Variants in SYNRG observed in about 807,000 individuals in gnomAD.
SYNRG encodes AP1 gamma subunit binding protein 1.
Under a neutral mutation model 130.9 loss-of-function variants are expected in SYNRG, and 37 were observed. The observed-to-expected ratio is 0.28, with a 90% CI of 0.22 to 0.37. The LOEUF (loss-of-function observed/expected upper bound fraction) is 0.37. Among genes scored for constraint, SYNRG ranks in the 10% least tolerant of loss-of-function variants. The pLI is 1.00. For synonymous variants in SYNRG, 539 were observed against 568.1 expected (o/e 0.95, Z 0.73); for missense variants, 1,338 against 1,588.9 (o/e 0.84, Z 2.68).
intron 8 of SYNRG, among the ~76,000 whole-genome samples, chr17:37,573,916 C>T (rs1430753869): frequency 6.6e-6 from 1 of 151,996 alleles, no homozygotes; most frequent in Non-Finnish European, 1.5e-5. Flanking sequence ...TATATGGTAC[C>T]ACAAAGGACC....
intron 5 of SYNRG, 95 bp downstream of exon 5, chr17:37,585,230 G>A: frequency 2.1e-6 from 2 of 943,874 alleles, no homozygotes; most frequent in South Asian, 3.2e-5. Context: ...CCTCAGCTTG[G>A]GCTGGTGCCC....
At chr17:37,520,786 C>G in intron 19 of SYNRG, 138 bp from the exon 20 acceptor site, 1 of 691,900 alleles carries the variant, frequency 1.4e-6, no homozygotes, top group Non-Finnish European at 2.6e-6. Flanking sequence ...ATTAACCTCC[C>G]ACACATCCAC....
chr17:37,531,898 T>C (rs1244535083), intron 19 of SYNRG, among the ~76,000 whole-genome samples: 2 of 152,198 alleles, frequency 1.3e-5, no homozygotes, highest in Non-Finnish European at 2.9e-5. Context: ...TCGTGCTCCT[T>C]TACAAAATGG....
intron 1 of SYNRG, among the ~76,000 whole-genome samples, chr17:37,608,307 AC>A (rs1321398890): frequency 3.9e-5 from 6 of 152,196 alleles, no homozygotes; most frequent in Non-Finnish European, 8.8e-5. Context: ...TAAAAAAAAA[AC>A]CTAACACTTC....
intron 6 of SYNRG, among the ~76,000 whole-genome samples, chr17:37,581,502 T>A (rs909547147): frequency 2.0e-5 from 3 of 152,198 alleles, no homozygotes; most frequent in Non-Finnish European, 4.4e-5. Flanking sequence ...GGTCTCGAAC[T>A]CCTGACTTCA....
chr17:37,576,899 A>G (rs1180005885), intron 7 of SYNRG, among the ~76,000 whole-genome samples: 2 of 152,192 alleles, frequency 1.3e-5, no homozygotes, highest in Non-Finnish European at 2.9e-5. Flanking sequence ...TATCCTCCCA[A>G]AAGTTTGCCT....
chr17:37,540,917 A>G (rs1568319381), intron 15 of SYNRG: 3 of 1,002,158 alleles, frequency 3.0e-6, no homozygotes, highest in Non-Finnish European at 1.2e-6. Context: ...TACAGGTGTG[A>G]GCCACCGCGC....
chr17:37,555,449 G>T (rs1439517007), intron 13 of SYNRG, among the ~76,000 whole-genome samples: 7 of 152,072 alleles, frequency 4.6e-5, no homozygotes, highest in African/African-American at 7.2e-5. Flanking sequence ...TTCTTAAAAG[G>T]TTTCTATATT....
intron 18 of SYNRG, 71 bp downstream of exon 18, chr17:37,538,253 A>T: frequency 8.3e-7 from 1 of 1,200,866 alleles, no homozygotes; most frequent in Non-Finnish European, 1.2e-6. Flanking sequence ...CTAGCTTAAA[A>T]TAATTAAAGG....
At chr17:37,551,583 A>C (rs920901828) in intron 14 of SYNRG, among the ~76,000 whole-genome samples, 2 of 152,212 alleles carry the variant, frequency 1.3e-5, no homozygotes, top group African/African-American at 4.8e-5. Flanking sequence ...AGACACCCCA[A>C]ACCCGGATTA....
intron 13 of SYNRG, among the ~76,000 whole-genome samples, chr17:37,558,259 ATACAGTTTCTACCATACCTACC>A (rs1206181894): frequency 6.6e-6 from 1 of 152,198 alleles, no homozygotes; most frequent in Non-Finnish European, 1.5e-5. Flanking sequence ...TGATTAAGCA[ATACAGTTTCTACCATACCTACC>A]TACCTTCTCT....
intron 15 of SYNRG, chr17:37,541,375 G>A (rs2057743886): frequency 7.7e-6 from 4 of 517,668 alleles, no homozygotes; most frequent in Non-Finnish European, 9.9e-6. Flanking sequence ...ATTATGGTAG[G>A]AGAGAGAGAA....
In SYNRG at chr17:37,596,312, G is replaced by A. The variant is rs766717708; in HGVS notation, c.151C>T (p.Pro51Ser). The change falls in exon 3 of 22, where the codon CCT becomes TCT. Residue 51 changes from proline (P) to serine (S), a missense_variant. This residue lies in a region of SYNRG where 184 missense variants were observed against 217.2 expected (regional missense o/e 0.85). Coordinates refer to ENST00000612223, the MANE Select transcript of SYNRG (RefSeq NM_007247.6). ...GLMPMQQQGF[P>S]MVSVMQPNMQ... ...TTAGGCTGCATGACAGAGACCATAG[G>A]AAATCCTTGTTGCTGCATCGGCATC... 4.2e-5 allele frequency: 68 copies of A among 1,614,004 alleles called. No homozygotes were observed. The highest frequency in any genetic ancestry group is 5.5e-5 in the Non-Finnish European group (65 of 1,180,006).
At chr17:37,557,137 T>C (rs1348732294) in intron 13 of SYNRG, 1 of 152,246 alleles carries the variant, frequency 6.6e-6, no homozygotes, top group Non-Finnish European at 1.5e-5. Flanking sequence ...AATGTCTACA[T>C]ACTTGTAAGT....
rs1456810165 is a variant in SYNRG, at chr17:37,553,399, T to C, written c.2324A>G (p.Asp775Gly). ...TTTACTGGAGTGGAAGTCAGCAAAA[T>C]CATCATCACTTTTTCCTGAAGGAGT... ...DNTPSGKSDD[D>G]FADFHSSKFS... Residue 775 changes from aspartate (D) to glycine (G), a missense_variant, in exon 14 of 22, where the codon GAT becomes GGT. Asp to Gly is a moderately conservative substitution (Grantham distance 94). Coordinates refer to ENST00000612223, the MANE Select transcript of SYNRG (RefSeq NM_007247.6). 5 of 1,614,170 alleles carry C rather than the reference T, an allele frequency of 3.1e-6. No homozygotes were observed. The Admixed American group carries it at 8.3e-5, about 27-fold the overall frequency.
In SYNRG at chr17:37,553,296, T is replaced by C; in HGVS notation, c.2427A>G (p.Ser809=). Residue 809 remains serine, a synonymous_variant, in exon 14 of 22, where the codon TCA becomes TCG. Transcript: ENST00000612223. The part of the protein sequence containing the change: ...AFRHTKEDSA[S]VKSLDLPSIG... ...TGGAAGGGAGATCTAAGGACTTCAC[T>C]GATGCAGAGTCTTCTTTGGTGTGTC... 1 of 1,614,012 alleles carries C rather than the reference T, an allele frequency of 6.2e-7. No homozygotes were observed. Among genetic ancestry groups the C allele is most frequent in the Non-Finnish European group, 8.5e-7 (1 of 1,179,980 alleles).
intron 13 of SYNRG, among the ~76,000 whole-genome samples, chr17:37,558,302 T>TA (rs1306972184): frequency 2.0e-5 from 3 of 152,152 alleles, no homozygotes; most frequent in Non-Finnish European, 4.4e-5. Flanking sequence ...CCCCTACCCC[T>TA]AGCAGAAGAG....
At chr17:37,590,604 T>C (rs1043896461) in intron 3 of SYNRG, among the ~76,000 whole-genome samples, 6 of 152,108 alleles carry the variant, frequency 3.9e-5, no homozygotes, top group African/African-American at 1.4e-4. Flanking sequence ...CTCATGAGTA[T>C]ACAAATATAT....
At chr17:37,579,888 CT>C (rs901644507) in intron 6 of SYNRG, among the ~76,000 whole-genome samples, 51 of 147,236 alleles carry the variant, frequency 3.5e-4, no homozygotes, top group African/African-American at 6.4e-4. Flanking sequence ...TTCTTCCTTT[CT>C]TTTTTTTTTT....
Sources: gnomAD v4.1 joint callset for allele counts (sites outside exome capture counted in the v4.1 genomes callset) on GRCh38, gnomAD v4.1.1 for gene constraint, gnomAD v4.1.1 regional missense constraint, MANE v1.5 for transcripts, NCBI Gene and HGNC (gene_info 2026-07-23, HGNC 2026-07-21) for gene names.